The following PSD3 variants were observed in gnomAD, a reference collection of about 807,000 sequenced individuals.
The protein encoded by PSD3 is PH and SEC7 domain-containing protein 3.
PSD3 carries 49 observed loss-of-function variants against 105.5 expected under a neutral mutation model. That is an observed-to-expected ratio of 0.46 (90% CI 0.37 to 0.59). PSD3 has a LOEUF of 0.59. Among genes scored for constraint, PSD3 ranks in the 20% least tolerant of loss-of-function variants. The pLI is 0.00. For synonymous variants in PSD3, 557 were observed against 457.8 expected, an observed-to-expected ratio of 1.22 and a Z score of -2.77; for missense variants, 1,561 against 1,263.8, an observed-to-expected ratio of 1.24 and a Z score of -3.57.
chr8:19,062,153 G>C (rs1421915023), intron 1 of PSD3, among the ~76,000 whole-genome samples: 1 of 152,150 alleles, frequency 6.6e-6, no homozygotes, highest in Non-Finnish European at 1.5e-5. Context: ...TCAAGCTGAT[G>C]GCTACACAAT....
At chr8:18,663,207 A>C (rs903480499) in intron 9 of PSD3, among the ~76,000 whole-genome samples, 2 of 152,146 alleles carry the variant, frequency 1.3e-5, no homozygotes, top group African/African-American at 4.8e-5. Context: ...AGGGAGGATC[A>C]CTTGAGCCCA....
chr8:18,848,780 T>A (rs564034052), intron 4 of PSD3, among the ~76,000 whole-genome samples: 81 of 152,268 alleles, frequency 5.3e-4, no homozygotes, highest in Non-Finnish European at 9.1e-4. Flanking sequence ...TCACCCTAGG[T>A]TGGGGCGGAA....
intron 1 of PSD3, among the ~76,000 whole-genome samples, chr8:18,945,361 G>C (rs546799368): frequency 1.1e-4 from 16 of 152,326 alleles, no homozygotes; most frequent in African/African-American, 3.8e-4. Flanking sequence ...TAGAAAAGTA[G>C]AGCCAGAGAT....
At chr8:18,784,018 AT>A (rs1169148322) in intron 8 of PSD3, among the ~76,000 whole-genome samples, 3 of 152,200 alleles carry the variant, frequency 2.0e-5, no homozygotes, top group African/African-American at 4.8e-5. Flanking sequence ...GTATGACTAC[AT>A]AAATGTCCTT....
chr8:18,768,800 TTTG>T (rs146389767), intron 8 of PSD3, among the ~76,000 whole-genome samples: 11 of 152,292 alleles, frequency 7.2e-5, no homozygotes, highest in South Asian at 2.1e-4. Flanking sequence ...TGCTGACATT[TTTG>T]TTGTTGTTGT....
chr8:18,785,522 C>T (rs1809055482), intron 8 of PSD3, among the ~76,000 whole-genome samples: 2 of 151,534 alleles, frequency 1.3e-5, no homozygotes, highest in African/African-American at 4.9e-5. Context: ...GTTGGATACC[C>T]TATCTACACC....
intron 13 of PSD3, among the ~76,000 whole-genome samples, chr8:18,573,184 G>C (rs1030555638): frequency 2.6e-5 from 4 of 152,100 alleles, no homozygotes; most frequent in East Asian, 1.9e-4. Flanking sequence ...AAAACATATA[G>C]ATATGCCAGA....
intron 1 of PSD3, among the ~76,000 whole-genome samples, chr8:19,063,555 C>A (rs1450579933): frequency 2.0e-5 from 3 of 152,144 alleles, no homozygotes; most frequent in African/African-American, 7.2e-5. Flanking sequence ...CAGGTATTAC[C>A]ATCCCTGTTG....
At chr8:19,033,218 T>C (rs558125923) in intron 1 of PSD3, among the ~76,000 whole-genome samples, 2 of 152,074 alleles carry the variant, frequency 1.3e-5, no homozygotes, top group African/African-American at 4.8e-5. Flanking sequence ...ATTTCATAGA[T>C]AGAGAAAGAT....
chr8:18,578,495 T>C (rs2130384172), intron 12 of PSD3, among the ~76,000 whole-genome samples: 1 of 152,236 alleles, frequency 6.6e-6, no homozygotes, highest in East Asian at 1.9e-4. Context: ...TATCTCTTCT[T>C]CTTCATGCCC....
At chr8:18,682,977 G>A (rs1800470209) in intron 9 of PSD3, among the ~76,000 whole-genome samples, 1 of 152,128 alleles carries the variant, frequency 6.6e-6, no homozygotes, top group Admixed American at 6.5e-5. Context: ...GGAGTTCTGT[G>A]ATCCTATGAT....
chr8:18,925,315 A>G (rs1821291736), intron 2 of PSD3, among the ~76,000 whole-genome samples: 1 of 152,054 alleles, frequency 6.6e-6, no homozygotes, highest in Non-Finnish European at 1.5e-5. Context: ...GGCTCACTTG[A>G]GCCCAGGAGT....
rs78272759 is a variant in PSD3, at chr8:18,653,369, C to T, written c.2216+2273G>A. On this transcript the variant is annotated intron_variant, in intron 10 of 15. Coordinates refer to ENST00000327040, the MANE Select transcript of PSD3 (RefSeq NM_015310.4). ...AACAAGAGAGAAAAAGAAAAAAAGACAAAAAAAAAAAGAAATTGGAGCTTT... is the reference window on the plus strand; with the variant it reads ...AACAAGAGAGAAAAAGAAAAAAAGATAAAAAAAAAAAGAAATTGGAGCTTT... Among the ~76,000 whole-genome samples, 216 of 139,208 alleles carry T rather than the reference C, an allele frequency of 1.6e-3. 1 individual carries two copies. In the East Asian group the frequency reaches 0.043, roughly 28 times the overall value. The allele number at this position is 139,208 out of a possible 152,430, so 91.3% of individuals were successfully genotyped here.
At chr8:18,805,578 T>C (rs965818294) in intron 4 of PSD3, among the ~76,000 whole-genome samples, 4 of 152,208 alleles carry the variant, frequency 2.6e-5, no homozygotes, top group Non-Finnish European at 4.4e-5. Flanking sequence ...GGAATCTAAA[T>C]TTGTGTCGAT....
At chr8:18,645,978 T>C (rs1808008512) in intron 10 of PSD3, among the ~76,000 whole-genome samples, 1 of 152,178 alleles carries the variant, frequency 6.6e-6, no homozygotes. Flanking sequence ...GTTATATATT[T>C]AAAATATATG....
At chr8:18,896,074 T>C (rs774227954) in intron 2 of PSD3, among the ~76,000 whole-genome samples, 48 of 152,388 alleles carry the variant, frequency 3.1e-4, no homozygotes, top group Non-Finnish European at 6.3e-4. Flanking sequence ...TATTTATCTT[T>C]TTATGCCTGG....
At chr8:18,536,382 C>T (rs1321519759) in intron 15 of PSD3, among the ~76,000 whole-genome samples, 2 of 152,134 alleles carry the variant, frequency 1.3e-5, no homozygotes, top group Non-Finnish European at 2.9e-5. Context: ...AAGAAACTGG[C>T]TTGGATATGG....
At chr8:18,678,353 G>C (rs1432272428) in intron 9 of PSD3, among the ~76,000 whole-genome samples, 1 of 152,130 alleles carries the variant, frequency 6.6e-6, no homozygotes. Flanking sequence ...ACAAACCAAA[G>C]GCCAATGTAA....
chr8:18,688,948 C>T (rs534775498), intron 9 of PSD3, among the ~76,000 whole-genome samples: 1 of 152,170 alleles, frequency 6.6e-6, no homozygotes, highest in South Asian at 2.1e-4. Flanking sequence ...ACTTCCATAA[C>T]AAATCAAAAT....
Sources: gnomAD v4.1 joint callset for allele counts (sites outside exome capture counted in the v4.1 genomes callset) on GRCh38, gnomAD v4.1.1 for gene constraint, MANE v1.5 for transcripts, NCBI Gene and HGNC (gene_info 2026-07-23, HGNC 2026-07-21) for gene names.